The following ZNF600 variants were observed in gnomAD, a reference collection of about 807,000 sequenced individuals.
The protein encoded by ZNF600 is zinc finger protein 600.
Under a neutral mutation model 7.3 loss-of-function variants are expected in ZNF600, and 4 were observed. The observed-to-expected ratio is 0.55, with a 90% CI of 0.27 to 1.25. The LOEUF (loss-of-function observed/expected upper bound fraction) is 1.25, where lower values mean the gene tolerates loss of function less well. ZNF600 is among the 50% of genes most tolerant of loss of function. The pLI, the probability that ZNF600 is intolerant of heterozygous loss-of-function variation, is 0.12. For synonymous variants in ZNF600, 290 were observed against 308.9 expected, an observed-to-expected ratio of 0.94 and a Z score of 0.64; for missense variants, 911 against 922.1, an observed-to-expected ratio of 0.99 and a Z score of 0.16.
chr19:52,817,493 A>C, the ZNF600 span, among the ~76,000 whole-genome samples: 1 of 152,220 alleles, frequency 6.6e-6, no homozygotes, highest in South Asian at 2.1e-4. Context: ...TTACCTAAAA[A>C]TGTGGTATAA....
the ZNF600 span, among the ~76,000 whole-genome samples, chr19:52,814,810 C>T: frequency 2.1e-5 from 3 of 146,082 alleles, no homozygotes; most frequent in Non-Finnish European, 4.4e-5. Flanking sequence ...TCGCTTGAAC[C>T]AGGAAGGCAG....
chr19:52,781,922 G>A (rs895709114), intron 1 of ZNF600, among the ~76,000 whole-genome samples: 4 of 152,080 alleles, frequency 2.6e-5, no homozygotes, highest in South Asian at 2.1e-4. Context: ...TTAGCCAGGC[G>A]TAGGGGTGTA....
intron 2 of ZNF600, among the ~76,000 whole-genome samples, chr19:52,777,332 C>T (rs2062684242): frequency 6.6e-6 from 1 of 152,038 alleles, no homozygotes. Context: ...AGCTGAGATC[C>T]CACCACTGCA....
At chr19:52,800,221 G>A in the ZNF600 span, 1 of 1,613,256 alleles carries the variant, frequency 6.2e-7, no homozygotes, top group African/African-American at 1.3e-5. Context: ...TGAAGTTTAT[G>A]ATGACATGCA....
In ZNF600 at chr19:52,765,748, C is replaced by A. The variant is rs755162547; in HGVS notation, c.2215G>T (p.Val739Phe). ...TCACTCCCAAAAGTCTTGTCACAAA[C>A]CTTACATTTGTATGGTTTCTTTCCA... The change falls in exon 4 of 4, where the codon GTT becomes TTT. Residue 739 changes from valine to phenylalanine, a missense_variant. By Grantham distance (50) the Val-to-Phe change is conservative. Coordinates refer to ENST00000648973, the Ensembl canonical transcript of ZNF600. 27 of 1,613,848 alleles carry A rather than the reference C, an allele frequency of 1.7e-5. 1 individual carries two copies. In the Admixed American group the frequency reaches 4.5e-4, roughly 27 times the overall value.
rs551911817 is a variant in ZNF600 at position 52,772,947 on chromosome 19, G to C, written c.190+1628C>G. Among the ~76,000 whole-genome samples, 509 of 152,284 alleles carry C rather than the reference G, an allele frequency of 3.3e-3. 2 individuals carry two copies. Among genetic ancestry groups the C allele is most frequent in the African/African-American group, 0.012 (494 of 41,506 alleles). ...CCTCATGGATCATGTGCTGAGTCAT[G>C]ATGCCCTGCACACACTGATTTAAGC... is the stretch of plus-strand genomic sequence containing the variant. On this transcript the variant is annotated intron_variant, in intron 3 of 3. Coordinates refer to ENST00000648973, the Ensembl canonical transcript of ZNF600.
chr19:52,799,944 G>C, the ZNF600 span: 2 of 1,613,822 alleles, frequency 1.2e-6, no homozygotes, highest in Non-Finnish European at 1.7e-6. Flanking sequence ...ACACTTGTAA[G>C]GTTTCTCTCC....
chr19:52,766,509 C>T (rs1449222872), exon 4 of ZNF600: 4 of 1,614,142 alleles, frequency 2.5e-6, no homozygotes, highest in Non-Finnish European at 3.4e-6. Flanking sequence ...ACATTCATTA[C>T]ACTTGTAAGG....
chr19:52,820,506 C>T, the ZNF600 span, among the ~76,000 whole-genome samples: 2 of 152,072 alleles, frequency 1.3e-5, no homozygotes, highest in African/African-American at 2.4e-5. Context: ...TCTCTGCTCT[C>T]CCTGTTAAAT....
rs139764123 is a variant in ZNF600, at chr19:52,774,520, G to A, written c.190+55C>T. 2.1e-4 allele frequency: 204 copies of A among 983,544 alleles called. 3 individuals carry two copies. The East Asian group carries it at 0.014, about 67-fold the overall frequency. The allele number at this position is 983,544 out of a possible 1,614,324, so 60.9% of individuals were successfully genotyped here. On this transcript the variant is annotated intron_variant, in intron 3 of 3. Coordinates refer to ENST00000648973, the Ensembl canonical transcript of ZNF600. ...CAAAAGAGAACACAAAACCAGGAAG[G>A]GCCAAGATAGACAAGAGCAGACTCC...
chr19:52,800,452 T>G, the ZNF600 span: 883,154 of 1,613,372 alleles, frequency 0.55, 254,610 homozygotes, highest in Non-Finnish European at 0.61. Flanking sequence ...TTGTATGGTT[T>G]CTCTGCAGTA....
chr19:52,787,160 T>A (rs560877195), upstream of ZNF600, among the ~76,000 whole-genome samples: 357 of 152,302 alleles, frequency 2.3e-3, 1 homozygote, highest in African/African-American at 7.4e-3. Flanking sequence ...AGCTTCAAAG[T>A]GTTCCCTAGG....
At chr19:52,801,747 G>T in the ZNF600 span, 1 of 1,532,750 alleles carries the variant, frequency 6.5e-7, no homozygotes, top group South Asian at 1.2e-5. Flanking sequence ...AGTACAGATG[G>T]TGTATAATAC....
chr19:52,797,748 T>C, the ZNF600 span: 1 of 152,398 alleles, frequency 6.6e-6, no homozygotes, highest in Non-Finnish European at 1.5e-5. Context: ...GAAAAATTAG[T>C]ATTGCTCAAT....
chr19:52,819,649 G>C, the ZNF600 span, among the ~76,000 whole-genome samples: 55 of 136,656 alleles, frequency 4.0e-4, 2 homozygotes, highest in Non-Finnish European at 5.9e-4. Context: ...AGATGAGTGA[G>C]AAGGTGTGCC....
rs540593511 is a variant in ZNF600 at position 52,774,237 on chromosome 19, C to G, written c.190+338G>C. Among the ~76,000 whole-genome samples the G allele has an allele frequency of 7.9e-5, 12 of 151,612 alleles. No homozygotes were observed. In the East Asian group the frequency reaches 2.2e-3, roughly 28 times the overall value. On this transcript the variant is annotated intron_variant, in intron 3 of 3. Transcript: ENST00000648973. ...GTAAGGTGAGGAGTGAGAGACGAGT[C>G]TGACCAACATAGAGAAACCCCGTCT...
chr19:52,825,136 G>A, the ZNF600 span, among the ~76,000 whole-genome samples: 6 of 152,152 alleles, frequency 3.9e-5, no homozygotes, highest in African/African-American at 9.6e-5. Flanking sequence ...GAAATGCCAC[G>A]TCCTAGAAGA....
chr19:52,827,894 G>A, the ZNF600 span, among the ~76,000 whole-genome samples: 14 of 152,186 alleles, frequency 9.2e-5, no homozygotes, highest in Middle Eastern at 3.4e-3. Context: ...GAAGGCATGG[G>A]TGAGTGCGAG....
At chr19:52,797,854 G>A in the ZNF600 span, 2 of 152,114 alleles carry the variant, frequency 1.3e-5, no homozygotes, top group African/African-American at 4.8e-5. Flanking sequence ...CAGTCACGGT[G>A]GCTCACGCCC....
Sources: allele counts gnomAD v4.1 joint callset (sites outside exome capture counted in the v4.1 genomes callset), GRCh38; gene constraint gnomAD v4.1.1; transcripts MANE v1.5; gene names NCBI Gene and HGNC (gene_info 2026-07-23, HGNC 2026-07-21).